ZNF280C: variants seen among roughly 807,000 people sequenced by gnomAD.
ZNF280C encodes zinc finger protein 280C.
ZNF280C carries 14 observed loss-of-function variants against 53.6 expected under a neutral mutation model. The observed-to-expected ratio is 0.26, with a 90% CI of 0.17 to 0.41. The LOEUF is 0.41. Among genes scored for constraint, ZNF280C ranks in the 10% least tolerant of loss-of-function variants. The probability of loss-of-function intolerance (pLI) is 1.00; values close to 1 mark genes in which losing one functional copy is unlikely to be tolerated. For synonymous variants in ZNF280C, 203 were observed against 181.1 expected (o/e 1.12, Z -0.97); for missense variants, 416 against 547.1 (o/e 0.76, Z 2.39).
At chrX:130,250,198 A>G (rs1444213781) in intron 2 of ZNF280C, among the ~76,000 whole-genome samples, 2 of 111,852 alleles carry the variant, frequency 1.8e-5, no homozygotes, top group Admixed American at 9.5e-5. Flanking sequence ...ACAGATCTCA[A>G]TTTAACATCC....
chrX:130,223,150 C>T (rs755129961), intron 12 of ZNF280C, among the ~76,000 whole-genome samples: 1 of 110,383 alleles, frequency 9.1e-6, no homozygotes, highest in Admixed American at 9.7e-5. Context: ...CTCTGCCTCC[C>T]GGGTTCATGT....
chrX:130,229,077 C>T lies in ZNF280C; in HGVS notation c.1047G>A (p.Trp349Ter), dbSNP rs2032251892. ...LELEKQNNES[W>*]ENHTTCQHCY... Reference sequence around the variant, plus strand: ...AGTGCTGGCAGGTGGTGTGGTTTTCCCAGCTTTCATTGTTCTGCTTCTCAA... The same window carrying T: ...AGTGCTGGCAGGTGGTGTGGTTTTCTCAGCTTTCATTGTTCTGCTTCTCAA... The change falls in exon 10 of 19, where the codon TGG (tryptophan) becomes TGA (stop). Residue 349 changes from tryptophan (W) to a stop codon, truncating the protein, a stop_gained. Coordinates refer to ENST00000370978, the MANE Select transcript of ZNF280C (RefSeq NM_017666.5). LOFTEE classifies it high-confidence loss of function. 1 of 1,206,690 alleles carries T rather than the reference C, an allele frequency of 8.3e-7. No homozygotes were observed.
chrX:130,241,763 CTAAA>C (rs1489364104), intron 5 of ZNF280C, among the ~76,000 whole-genome samples: 11 of 111,313 alleles, frequency 9.9e-5, no homozygotes, highest in African/African-American at 2.9e-4. Context: ...GACCCTGTCT[CTAAA>C]TAAATAAAGT....
chrX:130,225,199 C>T (rs2032208043), intron 12 of ZNF280C, among the ~76,000 whole-genome samples: 2 of 111,046 alleles, frequency 1.8e-5, no homozygotes, highest in Non-Finnish European at 3.8e-5. Flanking sequence ...ATCTATATCA[C>T]TCTGGAGCTT....
chrX:130,215,723 T>C lies in ZNF280C; in HGVS notation c.1838+68A>G. 3.0e-6 allele frequency: 3 copies of C among 1,007,983 alleles called. No individual in the cohort carries two copies. The South Asian group carries it at 7.5e-5, about 25-fold the overall frequency. The allele number at this position is 1,007,983 out of a possible 1,213,427, so 83.1% of individuals were successfully genotyped here. ...TTATCATGTAAATGTGTAAGAGGGTTTTATGATATGATAAATTATATACAT... is the reference window on the plus strand; with the variant it reads ...TTATCATGTAAATGTGTAAGAGGGTCTTATGATATGATAAATTATATACAT... On this transcript the variant is annotated intron_variant, in intron 14 of 18. Transcript: ENST00000370978.
At chrX:130,238,559 G>A (rs2032356836) in intron 6 of ZNF280C, among the ~76,000 whole-genome samples, 1 of 111,215 alleles carries the variant, frequency 9.0e-6, no homozygotes, top group African/African-American at 3.2e-5. Flanking sequence ...TAATCTTAGA[G>A]AGAGAGTAGG....
At chrX:130,222,276 CCACACACACACACACA>C (rs59694150) in intron 12 of ZNF280C, among the ~76,000 whole-genome samples, 59 of 69,931 alleles carry the variant, frequency 8.4e-4, no homozygotes, top group Middle Eastern at 0.011. Flanking sequence ...CATTCAGACA[CCACACACACACACACA>C]CACACACACA....
chrX:130,229,559 G>C (rs1343130522), intron 9 of ZNF280C, among the ~76,000 whole-genome samples: 2 of 112,047 alleles, frequency 1.8e-5, no homozygotes, highest in Non-Finnish European at 3.8e-5. Context: ...AAGCTCTGAA[G>C]GTTTCAGCTG....
chrX:130,250,766 G>A lies in ZNF280C; in HGVS notation c.32-3761C>T, dbSNP rs767704316. Among the ~76,000 whole-genome samples, 204 of 112,038 alleles carry A rather than the reference G, an allele frequency of 1.8e-3. 1 individual carries two copies. The highest frequency in any genetic ancestry group is 6.4e-3 in the African/African-American group (198 of 30,865). On this transcript the variant is annotated intron_variant, in intron 2 of 18. Coordinates refer to ENST00000370978, the MANE Select transcript of ZNF280C (RefSeq NM_017666.5). ...TAACTCATTCTATGAGGCCAGCATT[G>A]TCCTGATAACAAAACCTGGAAGAGA...
rs143353580 is a variant in ZNF280C, at chrX:130,246,424, C to T, written c.178+435G>A. Among the ~76,000 whole-genome samples, 955 of 112,044 alleles carry T rather than the reference C, an allele frequency of 8.5e-3. 12 individuals are homozygous for T. The highest frequency in any genetic ancestry group is 0.029 in the African/African-American group (901 of 30,846). ...TGAGGCAGTTGCTTAGACATTAGAA[C>T]CCCCATCAGACACTAACACAAACTT... On this transcript the variant is annotated intron_variant, in intron 3 of 18. Transcript: ENST00000370978.
In ZNF280C at chrX:130,248,964, C is replaced by A. The variant is rs1337903949; in HGVS notation, c.32-1959G>T. On this transcript the variant is annotated intron_variant, in intron 2 of 18. Transcript: ENST00000370978. ...CCAGTGGGAGTGCACTCCGCCCACC[C>A]TCCTCTGCCATACTACCATTGTAGT... Among the ~76,000 whole-genome samples, 3 of 111,868 alleles carry A rather than the reference C, an allele frequency of 2.7e-5. No individual in the cohort carries two copies. The Admixed American group carries it at 2.8e-4, about 11-fold the overall frequency.
intron 18 of ZNF280C, 55 bp from the exon 19 acceptor site, chrX:130,205,047 G>C: frequency 9.7e-7 from 1 of 1,029,735 alleles, no homozygotes; most frequent in Non-Finnish European, 1.3e-6. Context: ...TAATATTAAT[G>C]ATTCATTAAA....
intron 15 of ZNF280C, among the ~76,000 whole-genome samples, chrX:130,213,604 A>C (rs760475865): frequency 1.6e-4 from 18 of 112,078 alleles, no homozygotes; most frequent in Non-Finnish European, 2.4e-4. Flanking sequence ...GAAGACCTTG[A>C]GGGCATGGTT....
chrX:130,251,880 G>T (rs1045171052), intron 2 of ZNF280C, among the ~76,000 whole-genome samples: 1 of 111,765 alleles, frequency 8.9e-6, no homozygotes, highest in South Asian at 3.7e-4. Context: ...CTGGGAGGCC[G>T]GGGTGGGCGG....
chrX:130,205,251 G>A, intron 17 of ZNF280C, 46 bp downstream of exon 17: 1 of 1,131,001 alleles, frequency 8.8e-7, no homozygotes, highest in Non-Finnish European at 1.2e-6. Context: ...CAAAAGTACT[G>A]AAATAAATAT....
At chrX:130,222,207 ACTCT>A (rs1218552929) in intron 12 of ZNF280C, among the ~76,000 whole-genome samples, 1 of 102,519 alleles carries the variant, frequency 9.8e-6, no homozygotes, top group Non-Finnish European at 2.0e-5. Context: ...GAGCCCTGGC[ACTCT>A]CTATCTACCT....
intron 2 of ZNF280C, among the ~76,000 whole-genome samples, chrX:130,258,573 A>G (rs1020827694): frequency 8.9e-6 from 1 of 112,433 alleles, no homozygotes; most frequent in Non-Finnish European, 1.9e-5. Context: ...AATTCTCCCA[A>G]ATGTAACCAA....
rs200242962 is a variant in ZNF280C, at chrX:130,215,882, G to A, written c.1747C>T (p.Arg583Cys). Residue 583 changes from arginine to cysteine, a missense_variant, in exon 14 of 19, where the codon CGT (arginine) becomes TGT (cysteine). By Grantham distance (180) the Arg-to-Cys change is radical. Around this residue, in one of 3 missense-constraint regions of ZNF280C, gnomAD observed 151 missense variants for 176.9 expected, o/e 0.85. Coordinates refer to ENST00000370978, the MANE Select transcript of ZNF280C (RefSeq NM_017666.5). ...SKVNTSKPRGRIAKSKAKPSY... is the reference protein window; with the variant it reads ...SKVNTSKPRGCIAKSKAKPSY... ...GGTTTTGCTTTGGACTTAGCTATACGTCCCCTTGGCTTACTTGTATTAACT... is the reference window on the plus strand; with the variant it reads ...GGTTTTGCTTTGGACTTAGCTATACATCCCCTTGGCTTACTTGTATTAACT... 12 of 1,210,911 alleles carry A rather than the reference G, an allele frequency of 9.9e-6. No individual in the cohort carries two copies. The highest frequency in any genetic ancestry group is 6.5e-5 in the Admixed American group (3 of 45,980).
chrX:130,267,501 G>T (rs930077893), intron 1 of ZNF280C, among the ~76,000 whole-genome samples: 1 of 111,497 alleles, frequency 9.0e-6, no homozygotes, highest in Non-Finnish European at 1.9e-5. Flanking sequence ...GTAAAGTTCT[G>T]TCCTTGAGGC....
Sources: allele counts gnomAD v4.1 joint callset (sites outside exome capture counted in the v4.1 genomes callset), GRCh38; gene constraint gnomAD v4.1.1; regional missense constraint gnomAD v4.1.1; transcripts MANE v1.5; gene names NCBI Gene and HGNC (gene_info 2026-07-23, HGNC 2026-07-21).